The following SCHIP1 variants were observed in gnomAD, a reference collection of about 807,000 sequenced individuals.
SCHIP1 encodes schwannomin interacting protein 1.
A neutral mutation model predicts 29.7 loss-of-function variants in SCHIP1; 8 were observed. The observed-to-expected ratio is 0.27, with a 90% CI of 0.16 to 0.49. The LOEUF is 0.49. Ranked by LOEUF, SCHIP1 falls within the 20% of genes least tolerant of loss-of-function variation. The pLI, the probability that SCHIP1 is intolerant of heterozygous loss-of-function variation, is 0.99. For synonymous variants in SCHIP1, 76 were observed against 94.9 expected, an observed-to-expected ratio of 0.80 and a Z score of 1.16; for missense variants, 193 against 294.6, an observed-to-expected ratio of 0.66 and a Z score of 2.52.
chr3:159,303,746 A>G, the SCHIP1 span, among the ~76,000 whole-genome samples: 1 of 152,158 alleles, frequency 6.6e-6, no homozygotes, highest in Non-Finnish European at 1.5e-5. Flanking sequence ...GCACAGTAAT[A>G]ATTTTTAATT....
At chr3:159,382,847 A>G in the SCHIP1 span, among the ~76,000 whole-genome samples, 2 of 152,092 alleles carry the variant, frequency 1.3e-5, no homozygotes, top group South Asian at 2.1e-4. Context: ...TTGCATTTCT[A>G]TGATGGCCAG....
the SCHIP1 span, among the ~76,000 whole-genome samples, chr3:159,578,755 C>G: frequency 2.6e-5 from 4 of 152,110 alleles, no homozygotes; most frequent in Non-Finnish European, 2.9e-5. Context: ...CTGTCTGTCT[C>G]TCTCTCTCTC....
the SCHIP1 span, among the ~76,000 whole-genome samples, chr3:159,578,198 G>A: frequency 6.6e-5 from 10 of 152,130 alleles, no homozygotes; most frequent in African/African-American, 2.4e-4. Flanking sequence ...AGAATAATCT[G>A]CATTTGAGCT....
chr3:159,680,659 TAAA>T, the SCHIP1 span, among the ~76,000 whole-genome samples: 2 of 73,124 alleles, frequency 2.7e-5, no homozygotes, highest in Admixed American at 2.3e-4. Context: ...TATGTATATA[TAAA>T]ATATATATTA....
the SCHIP1 span, among the ~76,000 whole-genome samples, chr3:159,374,688 T>G: frequency 6.6e-6 from 1 of 152,228 alleles, no homozygotes; most frequent in Non-Finnish European, 1.5e-5. Flanking sequence ...ATGACTCTAT[T>G]ACTTAATAGA....
chr3:159,781,273 T>A, the SCHIP1 span, among the ~76,000 whole-genome samples: 1 of 152,114 alleles, frequency 6.6e-6, no homozygotes, highest in African/African-American at 2.4e-5. Flanking sequence ...CCTCTTAGGT[T>A]CAAGCGATTC....
At chr3:159,626,085 CTT>C in the SCHIP1 span, among the ~76,000 whole-genome samples, 1,168 of 112,608 alleles carry the variant, frequency 0.01, 76 homozygotes, top group African/African-American at 0.038. Context: ...TAGAGTGCAG[CTT>C]ATATAGATAG....
chr3:159,751,909 G>C, the SCHIP1 span, among the ~76,000 whole-genome samples: 2 of 151,898 alleles, frequency 1.3e-5, no homozygotes, highest in African/African-American at 4.8e-5. Flanking sequence ...GGAGGTGATT[G>C]AATCATAGGG....
chr3:159,493,335 G>A, the SCHIP1 span, among the ~76,000 whole-genome samples: 2 of 152,188 alleles, frequency 1.3e-5, no homozygotes, highest in Non-Finnish European at 2.9e-5. Context: ...AGACCCATCA[G>A]TGTGCTGTAT....
At chr3:159,563,072 A>T in the SCHIP1 span, among the ~76,000 whole-genome samples, 1 of 152,224 alleles carries the variant, frequency 6.6e-6, no homozygotes, top group Non-Finnish European at 1.5e-5. Context: ...TAGAGATATT[A>T]CAACTCAGTC....
chr3:159,826,830 A>T, the SCHIP1 span, among the ~76,000 whole-genome samples: 1 of 152,206 alleles, frequency 6.6e-6, no homozygotes, highest in Non-Finnish European at 1.5e-5. Context: ...TCTCTTTGCT[A>T]TTCACCAGGG....
At chr3:159,439,177 G>A in the SCHIP1 span, among the ~76,000 whole-genome samples, 2 of 152,016 alleles carry the variant, frequency 1.3e-5, no homozygotes, top group African/African-American at 2.4e-5. Context: ...TTTAGTAACC[G>A]CCATTCTGAC....
At chr3:159,507,282 G>A in the SCHIP1 span, among the ~76,000 whole-genome samples, 4 of 152,068 alleles carry the variant, frequency 2.6e-5, no homozygotes, top group Non-Finnish European at 5.9e-5. Flanking sequence ...TGTTATTGGT[G>A]TATAAGAATG....
chr3:159,427,103 G>A, the SCHIP1 span, among the ~76,000 whole-genome samples: 1 of 152,042 alleles, frequency 6.6e-6, no homozygotes, highest in African/African-American at 2.4e-5. Flanking sequence ...AAACTGGAAT[G>A]GGCAAAAACT....
At chr3:159,626,139 T>TAGATAGATAG in the SCHIP1 span, among the ~76,000 whole-genome samples, 1 of 110,002 alleles carries the variant, frequency 9.1e-6, no homozygotes, top group Non-Finnish European at 1.6e-5. Flanking sequence ...GATAGATAGA[T>TAGATAGATAG]ATATCTAGAT....
At chr3:159,828,374 TACATATATATATAC>T in the SCHIP1 span, among the ~76,000 whole-genome samples, 2 of 94,732 alleles carry the variant, frequency 2.1e-5, no homozygotes, top group East Asian at 3.6e-4. Context: ...TATATATATA[TACATATATATATAC>T]ATATATACGT....
At chr3:159,573,777 G>A in the SCHIP1 span, among the ~76,000 whole-genome samples, 1 of 152,020 alleles carries the variant, frequency 6.6e-6, no homozygotes, top group Non-Finnish European at 1.5e-5. Context: ...TTTTCATATA[G>A]TCCCATATTT....
At chr3:159,763,932 G>A in the SCHIP1 span, 3 of 152,182 alleles carry the variant, frequency 2.0e-5, no homozygotes, top group Non-Finnish European at 4.4e-5. Flanking sequence ...CCCAGCCGCG[G>A]GCGGGGAAGG....
At chr3:159,461,811 A>G in the SCHIP1 span, among the ~76,000 whole-genome samples, 5 of 152,252 alleles carry the variant, frequency 3.3e-5, no homozygotes, top group East Asian at 9.6e-4. Flanking sequence ...ATATGTAACT[A>G]TTTTCCAAGC....
Sources: gnomAD v4.1 joint callset for allele counts (sites outside exome capture counted in the v4.1 genomes callset) on GRCh38, gnomAD v4.1.1 for gene constraint, MANE v1.5 for transcripts, NCBI Gene and HGNC (gene_info 2026-07-23, HGNC 2026-07-21) for gene names.